Variants in KCNC2 observed in about 807,000 individuals in gnomAD.
KCNC2 encodes the protein potassium voltage-gated channel subfamily C member 2.
KCNC2 carries 21 observed loss-of-function variants against 44.5 expected under a neutral mutation model. The ratio of observed to expected loss-of-function variants is 0.47; its 90% CI spans 0.33 to 0.68. KCNC2 has a LOEUF of 0.68. Ranked by LOEUF, KCNC2 falls within the 30% of genes least tolerant of loss-of-function variation. The probability of loss-of-function intolerance (pLI) is 0.01; values close to 1 mark genes in which losing one functional copy is unlikely to be tolerated. For missense variants in KCNC2, 589 were observed against 826.2 expected (o/e 0.71, Z 3.52); for synonymous variants, 391 against 339.1 (o/e 1.15, Z -1.68).
At chr12:75,151,410 A>G (rs1890384887) in intron 2 of KCNC2, among the ~76,000 whole-genome samples, 1 of 152,004 alleles carries the variant, frequency 6.6e-6, no homozygotes, top group Admixed American at 6.6e-5. Context: ...GCCCACTGCC[A>G]GTTGTCTGGC....
At chr12:75,065,935 C>T (rs879825649) in intron 2 of KCNC2, among the ~76,000 whole-genome samples, 6 of 152,094 alleles carry the variant, frequency 3.9e-5, no homozygotes, top group Admixed American at 6.6e-5. Flanking sequence ...AGTAAAATTA[C>T]ATTCATATTT....
chr12:75,189,915 A>G (rs1565679627), intron 2 of KCNC2, among the ~76,000 whole-genome samples: 1 of 152,190 alleles, frequency 6.6e-6, no homozygotes, highest in East Asian at 1.9e-4. Flanking sequence ...GATGAAAAAG[A>G]GACTCTTCTG....
At chr12:75,117,321 GCATTTCTTTTATTAT>G (rs556530807) in intron 2 of KCNC2, among the ~76,000 whole-genome samples, 145 of 152,228 alleles carry the variant, frequency 9.5e-4, no homozygotes, top group African/African-American at 3.4e-3. Context: ...GGCTGGTCCT[GCATTTCTTTTATTAT>G]CTTGACTACA....
chr12:75,184,177 T>C (rs1372831149), intron 2 of KCNC2, among the ~76,000 whole-genome samples: 1 of 152,224 alleles, frequency 6.6e-6, no homozygotes, highest in African/African-American at 2.4e-5. Context: ...TCAGCTTTTC[T>C]AGATGCAAGT....
intron 2 of KCNC2, among the ~76,000 whole-genome samples, chr12:75,182,955 C>T (rs1323625503): frequency 3.3e-5 from 5 of 152,148 alleles, no homozygotes; most frequent in Admixed American, 3.3e-4. Flanking sequence ...GTGCTGGGGA[C>T]ATGAGATGAA....
chr12:75,160,222 G>T (rs1031687161), intron 2 of KCNC2, among the ~76,000 whole-genome samples: 7 of 151,764 alleles, frequency 4.6e-5, no homozygotes, highest in Non-Finnish European at 8.8e-5. Flanking sequence ...ACCAGGAATG[G>T]ACATGTACAG....
chr12:75,085,494 T>C (rs1274770920), intron 2 of KCNC2, among the ~76,000 whole-genome samples: 1 of 152,040 alleles, frequency 6.6e-6, no homozygotes, highest in East Asian at 1.9e-4. Context: ...AACTATGTTG[T>C]AGGCCCCATT....
intron 2 of KCNC2, among the ~76,000 whole-genome samples, chr12:75,203,728 C>T (rs2031475792): frequency 6.6e-6 from 1 of 151,868 alleles, no homozygotes; most frequent in Non-Finnish European, 1.5e-5. Context: ...ATTCAATCAT[C>T]TCCCCTACCC....
chr12:75,168,720 A>T (rs1020896211), intron 2 of KCNC2, among the ~76,000 whole-genome samples: 11 of 151,598 alleles, frequency 7.3e-5, no homozygotes, highest in Non-Finnish European at 1.3e-4. Flanking sequence ...TGTCAAATTT[A>T]ACCCCAAATT....
intron 2 of KCNC2, among the ~76,000 whole-genome samples, chr12:75,112,965 TG>T (rs1178646399): frequency 6.6e-6 from 1 of 152,104 alleles, no homozygotes; most frequent in Admixed American, 6.5e-5. Context: ...TCAAATAATA[TG>T]AAAATGGAAC....
At chr12:75,185,883 T>G (rs941607030) in intron 2 of KCNC2, among the ~76,000 whole-genome samples, 4 of 151,648 alleles carry the variant, frequency 2.6e-5, no homozygotes, top group Admixed American at 2.6e-4. Flanking sequence ...CTGTCTGTAC[T>G]AAAAATACAA....
At chr12:75,070,416 A>C (rs1592800974) in intron 2 of KCNC2, among the ~76,000 whole-genome samples, 2 of 150,334 alleles carry the variant, frequency 1.3e-5, no homozygotes, top group African/African-American at 2.5e-5. Flanking sequence ...GCACCATTGC[A>C]CTCCAGCTTG....
chr12:75,041,128 C>G lies in KCNC2; in HGVS notation c.*1977G>C. 1 of 1,596,694 alleles carries G rather than the reference C, an allele frequency of 6.3e-7. No homozygotes were observed. Among genetic ancestry groups the G allele is most frequent in the Non-Finnish European group, 8.5e-7 (1 of 1,178,740 alleles). ...CACATTCAGCAGCAGAAGTCTGTTT[C>G]CAGTATAGTCCTTGGTATGGCTAAA... is the stretch of plus-strand genomic sequence containing the variant. On this transcript the variant is annotated 3_prime_UTR_variant, in exon 5 of 5. Coordinates refer to ENST00000549446, the MANE Select transcript of KCNC2 (RefSeq NM_139137.4).
intron 2 of KCNC2, among the ~76,000 whole-genome samples, chr12:75,069,308 AT>A (rs1046265782): frequency 6.0e-5 from 9 of 151,230 alleles, no homozygotes; most frequent in African/African-American, 2.2e-4. Context: ...CTAATTTTGT[AT>A]TTTTTTAGTA....
intron 2 of KCNC2, among the ~76,000 whole-genome samples, chr12:75,084,038 TG>T (rs1291832664): frequency 6.6e-6 from 1 of 152,008 alleles, no homozygotes; most frequent in Non-Finnish European, 1.5e-5. Flanking sequence ...GTTTAATTTT[TG>T]ATTTGAGAGC....
chr12:75,078,281 G>C (rs538641573), intron 2 of KCNC2, among the ~76,000 whole-genome samples: 1 of 152,260 alleles, frequency 6.6e-6, no homozygotes, highest in South Asian at 2.1e-4. Context: ...CAGCCCCGGT[G>C]GGACGGCACT....
At chr12:75,113,582 A>G (rs1887418056) in intron 2 of KCNC2, among the ~76,000 whole-genome samples, 1 of 152,208 alleles carries the variant, frequency 6.6e-6, no homozygotes, top group African/African-American at 2.4e-5. Flanking sequence ...CCATTCTGCA[A>G]TCCAGCCTCC....
intron 2 of KCNC2, among the ~76,000 whole-genome samples, chr12:75,107,178 C>A (rs986464015): frequency 6.6e-6 from 1 of 152,110 alleles, no homozygotes; most frequent in Non-Finnish European, 1.5e-5. Flanking sequence ...GTGTCACACA[C>A]CTGTGGTCCC....
chr12:75,054,690 C>T (rs556068551), intron 2 of KCNC2, among the ~76,000 whole-genome samples: 17 of 152,172 alleles, frequency 1.1e-4, no homozygotes, highest in African/African-American at 4.1e-4. Flanking sequence ...GTATAAGAAA[C>T]ACAGAAGAGT....
Sources: allele counts gnomAD v4.1 joint callset (sites outside exome capture counted in the v4.1 genomes callset), GRCh38; gene constraint gnomAD v4.1.1; transcripts MANE v1.5; gene names NCBI Gene and HGNC (gene_info 2026-07-23, HGNC 2026-07-21).